The following MRPL34 variants were observed in gnomAD, a reference collection of about 807,000 sequenced individuals.
MRPL34 encodes mitochondrial ribosomal protein L34, also known as large ribosomal subunit protein bL34m.
MRPL34 carries 8 observed loss-of-function variants against 6.7 expected under a neutral mutation model. The observed-to-expected ratio is 1.20, with a 90% CI of 0.70 to 2.16. The LOEUF (loss-of-function observed/expected upper bound fraction) is 2.16. Among genes scored for constraint, MRPL34 ranks in the 30% most tolerant of loss-of-function variants. The pLI, the probability that MRPL34 is intolerant of heterozygous loss-of-function variation, is 0.00. For synonymous variants in MRPL34, 59 were observed against 55.1 expected (o/e 1.07, Z -0.31); for missense variants, 146 against 125.5 (o/e 1.16, Z -0.78).
At chr19:17,297,808 T>C (rs1214437594) in intron 1 of MRPL34, 2 of 151,620 alleles carry the variant, frequency 1.3e-5, no homozygotes, top group African/African-American at 4.8e-5. Flanking sequence ...GTTGCCCAGG[T>C]TGGTCTTGAA....
chr19:17,294,228 C>G, intron 1 of MRPL34: 1 of 1,559,542 alleles, frequency 6.4e-7, no homozygotes, highest in Non-Finnish European at 8.7e-7. Flanking sequence ...AGAGGCCACG[C>G]CCCTCCCGGG....
At chr19:17,297,337 T>G (rs2074097688) in intron 1 of MRPL34, among the ~76,000 whole-genome samples, 1 of 151,916 alleles carries the variant, frequency 6.6e-6, no homozygotes, top group Admixed American at 6.6e-5. Flanking sequence ...GCTCTGTCAC[T>G]CAGGCTGGAG....
At chr19:17,304,852 G>C (rs916192372), upstream of MRPL34, among the ~76,000 whole-genome samples, 4 of 152,152 alleles carry the variant, frequency 2.6e-5, no homozygotes, top group Admixed American at 6.5e-5. Context: ...CGCTATCATT[G>C]CTCACTACAG....
chr19:17,306,601 A>G lies in MRPL34; in HGVS notation c.*222A>G, dbSNP rs2074150413. 4.1e-6 allele frequency: 2 copies of G among 490,138 alleles called. No homozygotes were observed. Among genetic ancestry groups the G allele is most frequent in the Non-Finnish European group, 3.6e-6 (1 of 277,076 alleles). The allele number at this position is 490,138 out of a possible 1,614,324, so 30.4% of individuals were successfully genotyped here. A position where few individuals can be genotyped will look rare whatever the true frequency, so the allele number is the denominator to read the frequency against. ...GCGCAACAGACCAAAGAACAGTACA[A>G]AGAACATCCGTGTACCCAGTACCCT... is the stretch of plus-strand genomic sequence containing the variant. On this transcript the variant is annotated 3_prime_UTR_variant, in exon 2 of 2. Transcript: ENST00000252602.
At chr19:17,305,791 C>T (rs770928963), upstream of MRPL34, 3 of 1,257,774 alleles carry the variant, frequency 2.4e-6, no homozygotes, top group South Asian at 1.2e-5. Flanking sequence ...CTTTTTTGCA[C>T]GTTAGGAGAA....
intron 1 of MRPL34, among the ~76,000 whole-genome samples, chr19:17,296,922 C>T (rs149794557): frequency 4.8e-4 from 73 of 151,690 alleles, no homozygotes; most frequent in African/African-American, 1.7e-3. Flanking sequence ...CTTGAACTCC[C>T]GACCTCAGGT....
chr19:17,295,572 A>G (rs1295489341), intron 1 of MRPL34, among the ~76,000 whole-genome samples: 1 of 151,732 alleles, frequency 6.6e-6, no homozygotes, highest in African/African-American at 2.4e-5. Flanking sequence ...ACACCTGGCT[A>G]ATTTTTGTAT....
chr19:17,301,158 GCGCCTGGCTCGC>G, upstream of MRPL34: 1 of 1,611,138 alleles, frequency 6.2e-7, no homozygotes, highest in Non-Finnish European at 8.5e-7. Flanking sequence ...TCCTCTTGGG[GCGCCTGGCTCGC>G]CGCCGCCGCC....
upstream of MRPL34, among the ~76,000 whole-genome samples, chr19:17,304,712 A>G (rs538677325): frequency 6.6e-6 from 1 of 152,278 alleles, no homozygotes; most frequent in Non-Finnish European, 1.5e-5. Context: ...GCCCTTGAGG[A>G]GCCCTTGAAC....
upstream of MRPL34, among the ~76,000 whole-genome samples, chr19:17,300,585 C>T (rs1268067578): frequency 6.6e-6 from 1 of 152,168 alleles, no homozygotes; most frequent in Non-Finnish European, 1.5e-5. Context: ...TCAAGTGATT[C>T]CTCTGCCTCA....
chr19:17,299,388 C>T (rs998300511), upstream of MRPL34, among the ~76,000 whole-genome samples: 12 of 151,862 alleles, frequency 7.9e-5, no homozygotes, highest in East Asian at 1.9e-4. Context: ...GGTGAAACCC[C>T]GTCTGTACTA....
upstream of MRPL34, among the ~76,000 whole-genome samples, chr19:17,299,723 T>A (rs1015998173): frequency 1.6e-4 from 24 of 151,772 alleles, no homozygotes; most frequent in South Asian, 2.1e-4. Context: ...GAAAAAAAAA[T>A]TTTAAAAATG....
upstream of MRPL34, among the ~76,000 whole-genome samples, chr19:17,300,157 G>A (rs1461576903): frequency 6.6e-6 from 1 of 151,206 alleles, no homozygotes; most frequent in African/African-American, 2.4e-5. Context: ...GCCCGCCTCA[G>A]CCTCCCAAAG....
chr19:17,292,597 C>A, upstream of MRPL34: 1 of 1,500,302 alleles, frequency 6.7e-7, no homozygotes, highest in Non-Finnish European at 8.9e-7. Context: ...GCAGACCTGG[C>A]GCAGGCTCGG....
In MRPL34 at chr19:17,306,658, C is replaced by T; in HGVS notation, c.*279C>T. On this transcript the variant is annotated 3_prime_UTR_variant, in exon 2 of 2. Transcript: ENST00000252602. ...CGACTACCTACAACCCGTCCCTGCC[C>T]CATCCTGAGTTCTTTTGAAGCTGAT... 1 of 292,806 alleles carries T rather than the reference C, an allele frequency of 3.4e-6. No homozygotes were observed. The highest frequency in any genetic ancestry group is 6.3e-6 in the Non-Finnish European group (1 of 158,614). 18.1% of individuals were successfully genotyped at this position (292,806 alleles called of 1,614,324 possible).
chr19:17,300,482 C>T (rs1356451836), upstream of MRPL34, among the ~76,000 whole-genome samples: 2 of 151,510 alleles, frequency 1.3e-5, no homozygotes, highest in South Asian at 2.1e-4. Context: ...ACTGGGATTA[C>T]AGGTGTCAGT....
chr19:17,301,265 C>T (rs780297888), upstream of MRPL34: 11 of 1,602,844 alleles, frequency 6.9e-6, no homozygotes, highest in East Asian at 2.0e-4. Context: ...AGCTCCACCT[C>T]CAGGGCGGCC....
upstream of MRPL34, chr19:17,301,762 T>C: frequency 2.0e-6 from 2 of 1,023,260 alleles, no homozygotes; most frequent in Non-Finnish European, 2.6e-6. Flanking sequence ...GCCACGGCAC[T>C]GAGATTTTTT....
At chr19:17,300,779 A>G, upstream of MRPL34, 3 of 1,499,372 alleles carry the variant, frequency 2.0e-6, no homozygotes, top group South Asian at 1.3e-5. Context: ...GGCTCAGCCA[A>G]AAACTCAGTA....
Sources: allele counts gnomAD v4.1 joint callset (sites outside exome capture counted in the v4.1 genomes callset), GRCh38; gene constraint gnomAD v4.1.1; transcripts MANE v1.5; gene names NCBI Gene and HGNC (gene_info 2026-07-23, HGNC 2026-07-21).